Variants in ADARB2 observed in about 807,000 individuals in gnomAD.
ADARB2 encodes adenosine deaminase RNA specific B2 (inactive), also known as inactive double-stranded RNA-specific editase B2.
A neutral mutation model predicts 62.2 loss-of-function variants in ADARB2; 25 were observed. The ratio of observed to expected loss-of-function variants is 0.40; its 90% confidence interval spans 0.29 to 0.56. The LOEUF (loss-of-function observed/expected upper bound fraction) is 0.56. ADARB2 is among the 20% of genes least tolerant of loss of function. The probability of loss-of-function intolerance (pLI) is 0.43; values close to 1 mark genes in which losing one functional copy is unlikely to be tolerated. For missense variants in ADARB2, 1,071 were observed against 1,077.4 expected (o/e 0.99, Z 0.08); for synonymous variants, 572 against 500.8 (o/e 1.14, Z -1.90).
chr10:1,492,719 T>C (rs1831638149), intron 1 of ADARB2, among the ~76,000 whole-genome samples: 1 of 152,104 alleles, frequency 6.6e-6, no homozygotes, highest in African/African-American at 2.4e-5. Flanking sequence ...TCCCGGGTGC[T>C]GGGGGACCCC....
At chr10:1,368,354 C>T (rs1832331518) in intron 2 of ADARB2, among the ~76,000 whole-genome samples, 1 of 152,086 alleles carries the variant, frequency 6.6e-6, no homozygotes, top group Non-Finnish European at 1.5e-5. Context: ...ATTTTGAAAA[C>T]ACAGCAGGGA....
intron 6 of ADARB2, among the ~76,000 whole-genome samples, chr10:1,223,385 T>G (rs1294816715): frequency 2.0e-5 from 3 of 152,192 alleles, no homozygotes; most frequent in Admixed American, 6.5e-5. Context: ...GACTTCCTCT[T>G]TTTCTAATTG....
chr10:1,546,406 CT>C (rs1239348456), intron 1 of ADARB2, among the ~76,000 whole-genome samples: 25 of 152,368 alleles, frequency 1.6e-4, no homozygotes, highest in Middle Eastern at 6.8e-3. Context: ...TCCGTTACCA[CT>C]GTTGACCAGC....
chr10:1,544,761 C>T (rs1172962744), intron 1 of ADARB2, among the ~76,000 whole-genome samples: 1 of 151,930 alleles, frequency 6.6e-6, no homozygotes, highest in Admixed American at 6.6e-5. Context: ...TTGTAAAGTA[C>T]AAATGCTATG....
Position 1,177,964 on chromosome 10 carries a change from G to C in ADARB2, c.*5229C>G, listed in dbSNP as rs1423617460. On this transcript the variant is annotated 3_prime_UTR_variant, in exon 10 of 10. Transcript: ENST00000381312. ...CAAAAATTAGCCAATCTCATAAGCC[G>C]GTCTCAAAAAAGTAAATAGATCTCT... The C allele has an allele frequency of 6.6e-6, 1 of 152,154 alleles. No individual in the cohort carries two copies. The highest frequency in any genetic ancestry group is 1.5e-5 in the Non-Finnish European group (1 of 68,030). 9.4% of individuals were successfully genotyped at this position (152,154 alleles called of 1,614,324 possible).
chr10:1,262,967 C>G (rs905583902), intron 4 of ADARB2, among the ~76,000 whole-genome samples: 13 of 152,132 alleles, frequency 8.5e-5, no homozygotes, highest in African/African-American at 3.1e-4. Flanking sequence ...AATGATAAGT[C>G]TATGTCCTTT....
Position 1,716,021 on chromosome 10 carries a change from T to C in ADARB2, c.100+21030A>G, listed in dbSNP as rs1213716415. Among the ~76,000 whole-genome samples the C allele has an allele frequency of 2.0e-5, 3 of 152,184 alleles. No individual in the cohort carries two copies. In the East Asian group the frequency reaches 5.8e-4, roughly 29 times the overall value. ...GTATGCACACTCCCCTCCCGCCCGC[T>C]GAGTCAGTGTGCCCTGCGCGTTCCA... On this transcript the variant is annotated intron_variant, in intron 1 of 9. Coordinates refer to ENST00000381312, the MANE Select transcript of ADARB2 (RefSeq NM_018702.4).
intron 1 of ADARB2, among the ~76,000 whole-genome samples, chr10:1,532,190 C>G (rs548730996): frequency 3.3e-5 from 5 of 151,674 alleles, no homozygotes; most frequent in Admixed American, 2.0e-4. Context: ...TTCTGGATGG[C>G]GTTTTCCTGT....
At chr10:1,452,246 C>T (rs1310014148) in intron 1 of ADARB2, among the ~76,000 whole-genome samples, 5 of 152,196 alleles carry the variant, frequency 3.3e-5, no homozygotes, top group Non-Finnish European at 2.9e-5. Context: ...AATGTGAAAG[C>T]ACTGGTCAAC....
chr10:1,627,674 C>CACT (rs1833787824), intron 1 of ADARB2, among the ~76,000 whole-genome samples: 3 of 152,228 alleles, frequency 2.0e-5, no homozygotes, highest in Non-Finnish European at 4.4e-5. Flanking sequence ...GGCTGTTTTA[C>CACT]AGATTACACT....
intron 3 of ADARB2, among the ~76,000 whole-genome samples, chr10:1,355,479 C>T (rs11250453): frequency 0.024 from 3,595 of 152,270 alleles, 141 homozygotes; most frequent in African/African-American, 0.082. Flanking sequence ...TTTAAATGAG[C>T]GTTACTGTGC....
At chr10:1,732,827 C>T (rs575657045) in intron 1 of ADARB2, among the ~76,000 whole-genome samples, 96 of 152,336 alleles carry the variant, frequency 6.3e-4, no homozygotes, top group African/African-American at 2.0e-3. Flanking sequence ...ATTTTCATTT[C>T]ACAGCAAGCC....
intron 1 of ADARB2, among the ~76,000 whole-genome samples, chr10:1,682,161 A>G (rs1043895318): frequency 2.6e-5 from 4 of 152,182 alleles, no homozygotes; most frequent in Non-Finnish European, 4.4e-5. Context: ...CAGGTGCAAA[A>G]ATCATGAATG....
At chr10:1,571,390 T>G (rs1314641178) in intron 1 of ADARB2, among the ~76,000 whole-genome samples, 1 of 152,194 alleles carries the variant, frequency 6.6e-6, no homozygotes, top group Non-Finnish European at 1.5e-5. Context: ...TCAATCATGT[T>G]TGTGTTCTGT....
At chr10:1,400,526 C>T (rs972328673) in intron 1 of ADARB2, among the ~76,000 whole-genome samples, 1 of 152,188 alleles carries the variant, frequency 6.6e-6, no homozygotes, top group Non-Finnish European at 1.5e-5. Context: ...CTGCAGCCCA[C>T]TCCAGCCTGG....
chr10:1,284,082 G>A (rs1283533552), intron 3 of ADARB2, among the ~76,000 whole-genome samples: 1 of 152,030 alleles, frequency 6.6e-6, no homozygotes, highest in Admixed American at 6.6e-5. Flanking sequence ...TCCAGGCCAA[G>A]GAGTTCATCT....
At chr10:1,712,074 A>G (rs1834954643) in intron 1 of ADARB2, among the ~76,000 whole-genome samples, 1 of 152,264 alleles carries the variant, frequency 6.6e-6, no homozygotes, top group Non-Finnish European at 1.5e-5. Context: ...AAATACATTT[A>G]CAAATTATAA....
intron 1 of ADARB2, among the ~76,000 whole-genome samples, chr10:1,449,971 G>A (rs111787520): frequency 3.1e-4 from 47 of 152,320 alleles, no homozygotes; most frequent in Middle Eastern, 3.4e-3. Flanking sequence ...ATTTTGTCTC[G>A]CTGACCCTGA....
chr10:1,201,610 C>G (rs548251509), intron 7 of ADARB2, among the ~76,000 whole-genome samples: 2 of 149,066 alleles, frequency 1.3e-5, no homozygotes, highest in African/African-American at 5.0e-5. Flanking sequence ...CTGCCTGGAT[C>G]TCGGATGGTC....
Sources: gnomAD v4.1 joint callset for allele counts (sites outside exome capture counted in the v4.1 genomes callset) on GRCh38, gnomAD v4.1.1 for gene constraint, MANE v1.5 for transcripts, NCBI Gene and HGNC (gene_info 2026-07-23, HGNC 2026-07-21) for gene names.